Variants in PPFIBP1 observed in about 807,000 individuals in gnomAD.
The protein encoded by PPFIBP1 is PPFIB scaffold protein 1.
In PPFIBP1, 112 loss-of-function variants were observed where a neutral mutation model predicts 137.8. The observed-to-expected ratio is 0.81, with a 90% CI of 0.70 to 0.95. The LOEUF (loss-of-function observed/expected upper bound fraction) is 0.95, where lower values mean the gene tolerates loss of function less well. PPFIBP1 is among the 40% of genes least tolerant of loss of function. The pLI is 0.00. For missense variants in PPFIBP1, 1,083 were observed against 1,196.6 expected (o/e 0.91, Z 1.40); for synonymous variants, 378 against 417.3 (o/e 0.91, Z 1.15).
chr12:27,570,640 G>A (rs749172143), intron 1 of PPFIBP1, among the ~76,000 whole-genome samples: 1 of 152,130 alleles, frequency 6.6e-6, no homozygotes, highest in South Asian at 2.1e-4. Context: ...CCACTGACTG[G>A]GGGTGGGAAG....
chr12:27,680,073 C>G lies in PPFIBP1; in HGVS notation c.1895+12C>G, dbSNP rs2060789219. ...GGACAGTCTAACAGGTAAGAAGAGC[C>G]AACTGATAGACTTTTGCATCTCTAC... On this transcript the variant is annotated intron_variant, in intron 21 of 29. Transcript: ENST00000228425. 2 of 1,613,258 alleles carry G rather than the reference C, an allele frequency of 1.2e-6. No individual in the cohort carries two copies. Among genetic ancestry groups the G allele is most frequent in the South Asian group, 2.2e-5 (2 of 91,012 alleles).
rs550178198 is a variant in PPFIBP1 at position 27,695,288 on chromosome 12, G to A, written c.*2406G>A. 1.3e-5 allele frequency: 2 copies of A among 151,932 alleles called. No homozygotes were observed. Among genetic ancestry groups the A allele is most frequent in the African/African-American group, 2.4e-5 (1 of 41,382 alleles). The allele number at this position is 151,932 out of a possible 1,614,324, so 9.4% of individuals were successfully genotyped here. On this transcript the variant is annotated 3_prime_UTR_variant, in exon 30 of 30. Transcript: ENST00000228425. Reference sequence around the variant, plus strand: ...CCTGCCACCACGCCTGGCTAATTTTGTTTTTGTATTTTTAGTAGAGACGGG... The same window carrying A: ...CCTGCCACCACGCCTGGCTAATTTTATTTTTGTATTTTTAGTAGAGACGGG...
In PPFIBP1 at chr12:27,638,546, T is replaced by C. The variant is rs116401737; in HGVS notation, c.270+3431T>C. ...GATGATGGTTACTGCCACTTAGGATTGTAAGGACCCTGTGAACTAACATAT... is the reference window on the plus strand; with the variant it reads ...GATGATGGTTACTGCCACTTAGGATCGTAAGGACCCTGTGAACTAACATAT... On this transcript the variant is annotated intron_variant, in intron 4 of 29. Coordinates refer to ENST00000228425, the MANE Select transcript of PPFIBP1 (RefSeq NM_003622.4). Among the ~76,000 whole-genome samples the C allele has an allele frequency of 4.8e-3, 724 of 152,306 alleles. 4 individuals are homozygous for C. The highest frequency in any genetic ancestry group is 0.016 in the African/African-American group (674 of 41,556).
chr12:27,537,968 G>T (rs1015151464), intron 1 of PPFIBP1, among the ~76,000 whole-genome samples: 2 of 152,092 alleles, frequency 1.3e-5, no homozygotes, highest in Non-Finnish European at 2.9e-5. Flanking sequence ...ACGGAAATTG[G>T]GTGTATGCTT....
At chr12:27,640,090 G>A (rs186458753) in intron 4 of PPFIBP1, among the ~76,000 whole-genome samples, 1 of 152,310 alleles carries the variant, frequency 6.6e-6, no homozygotes, top group East Asian at 1.9e-4. Context: ...AATTAAGGCA[G>A]TTTTCCCCTT....
At chr12:27,541,263 GAA>G (rs761574125) in intron 1 of PPFIBP1, among the ~76,000 whole-genome samples, 1 of 145,908 alleles carries the variant, frequency 6.9e-6, no homozygotes, top group Admixed American at 6.8e-5. Flanking sequence ...GAGAGAGAGA[GAA>G]AAAAAAAAAT....
At chr12:27,591,332 G>A (rs2052491150) in intron 2 of PPFIBP1, among the ~76,000 whole-genome samples, 1 of 152,082 alleles carries the variant, frequency 6.6e-6, no homozygotes, top group Non-Finnish European at 1.5e-5. Context: ...GAGGAGGATG[G>A]TAGAGATGCT....
At chr12:27,536,132 T>C (rs1261583402) in intron 1 of PPFIBP1, among the ~76,000 whole-genome samples, 1 of 152,190 alleles carries the variant, frequency 6.6e-6, no homozygotes, top group Non-Finnish European at 1.5e-5. Context: ...CTCAGTTGTA[T>C]TGGTAACACA....
Position 27,608,597 on chromosome 12 carries a change from A to G in PPFIBP1, c.-35-24765A>G, listed in dbSNP as rs1358554442. The G allele has an allele frequency of 1.6e-5, 6 of 371,858 alleles. No individual in the cohort carries two copies. In the East Asian group the frequency reaches 5.3e-4, roughly 33 times the overall value. 23.0% of individuals were successfully genotyped at this position (371,858 alleles called of 1,614,324 possible). On this transcript the variant is annotated intron_variant, in intron 2 of 29. Coordinates refer to ENST00000228425, the MANE Select transcript of PPFIBP1 (RefSeq NM_003622.4). Reference sequence around the variant, plus strand: ...AGCATTTACCCTTAAAAAATGGGTGAGTTAGGATTCCCTCCTTCTTAAAAA... The same window carrying G: ...AGCATTTACCCTTAAAAAATGGGTGGGTTAGGATTCCCTCCTTCTTAAAAA...
At chr12:27,554,315 C>T (rs1947065837) in intron 1 of PPFIBP1, among the ~76,000 whole-genome samples, 1 of 152,166 alleles carries the variant, frequency 6.6e-6, no homozygotes, top group Non-Finnish European at 1.5e-5. Flanking sequence ...CAATTGCTTT[C>T]TGAAAATTTG....
chr12:27,667,759 T>C (rs1593252289), intron 13 of PPFIBP1, among the ~76,000 whole-genome samples: 1 of 152,180 alleles, frequency 6.6e-6, no homozygotes, highest in Non-Finnish European at 1.5e-5. Flanking sequence ...GCCTGAGTCA[T>C]CTGAAGGCTA....
At chr12:27,589,386 C>T (rs2052190294) in intron 2 of PPFIBP1, among the ~76,000 whole-genome samples, 1 of 152,188 alleles carries the variant, frequency 6.6e-6, no homozygotes, top group Non-Finnish European at 1.5e-5. Context: ...CTCAAGCGAT[C>T]CTTGCGCCTC....
chr12:27,623,422 C>G (rs183625966), intron 2 of PPFIBP1, among the ~76,000 whole-genome samples: 4 of 152,094 alleles, frequency 2.6e-5, no homozygotes, highest in African/African-American at 9.7e-5. Context: ...GGTCATGGCT[C>G]GGTGCAGTGT....
In PPFIBP1 at chr12:27,673,839, G is replaced by GT. The variant is rs1417943141; in HGVS notation, c.1380+18dup. The GT allele has an allele frequency of 1.3e-6, 2 of 1,599,190 alleles. No homozygotes were observed. The highest frequency in any genetic ancestry group is 1.7e-5 in the Admixed American group (1 of 59,708). On this transcript the variant is annotated intron_variant, in intron 16 of 29. Transcript: ENST00000228425. The stretch of plus-strand genomic sequence containing the variant: ...AGACATCTGATGGGGTGGGTTCTGT[G>GT]TTTTTTGTTTTTTTTTGTCTGTTAT...
rs192391820 is a variant in PPFIBP1, at chr12:27,637,985, A to G, written c.270+2870A>G. On this transcript the variant is annotated intron_variant, in intron 4 of 29. Transcript: ENST00000228425. ...CCTCTCTCCCTTCTTTCCTTTTTTT[A>G]TTAATAAGGTACTTAGAATAGTCAA... 3.8e-3 allele frequency among the ~76,000 whole-genome samples: 576 copies of G among 151,394 alleles called. 4 individuals are homozygous for G. Among genetic ancestry groups the G allele is most frequent in the African/African-American group, 0.013 (547 of 41,218 alleles).
chr12:27,585,975 G>A (rs2051698525), intron 2 of PPFIBP1, among the ~76,000 whole-genome samples: 1 of 152,172 alleles, frequency 6.6e-6, no homozygotes, highest in African/African-American at 2.4e-5. Context: ...AGATTCAATG[G>A]TAGTTTGCTT....
chr12:27,572,060 C>T (rs1363610402), intron 1 of PPFIBP1, among the ~76,000 whole-genome samples: 1 of 152,132 alleles, frequency 6.6e-6, no homozygotes. Flanking sequence ...ATAATGAGAA[C>T]ATCTACTCTA....
chr12:27,601,678 C>G (rs1337553759), intron 2 of PPFIBP1, among the ~76,000 whole-genome samples: 1 of 122,836 alleles, frequency 8.1e-6, no homozygotes, highest in Non-Finnish European at 2.0e-5. Context: ...GAACTGACCT[C>G]AGCTGAGTTG....
intron 6 of PPFIBP1, 43 bp downstream of exon 6, chr12:27,647,885 A>G: frequency 2.5e-6 from 4 of 1,581,032 alleles, no homozygotes; most frequent in Non-Finnish European, 3.4e-6. Flanking sequence ...TCCCTGCTGA[A>G]CTATGTGAGA....
Sources: allele counts gnomAD v4.1 joint callset (sites outside exome capture counted in the v4.1 genomes callset), GRCh38; gene constraint gnomAD v4.1.1; transcripts MANE v1.5; gene names NCBI Gene and HGNC (gene_info 2026-07-23, HGNC 2026-07-21).